GSE1: variants seen among roughly 807,000 people sequenced by gnomAD.
GSE1 encodes the protein Gse1 coiled-coil protein, also known as genetic suppressor element 1.
GSE1 carries 32 observed loss-of-function variants against 112.6 expected under a neutral mutation model. The ratio of observed to expected loss-of-function variants is 0.28; its 90% confidence interval spans 0.21 to 0.38. The LOEUF (loss-of-function observed/expected upper bound fraction) is 0.38. GSE1 is among the 10% of genes least tolerant of loss of function. The pLI is 1.00. For synonymous variants in GSE1, 1,115 were observed against 735.6 expected, an observed-to-expected ratio of 1.52 and a Z score of -8.35; for missense variants, 2,348 against 1,699.2, an observed-to-expected ratio of 1.38 and a Z score of -6.71.
At chr16:85,303,233 G>A (rs2045574391) in intron 1 of GSE1, among the ~76,000 whole-genome samples, 2 of 152,242 alleles carry the variant, frequency 1.3e-5, no homozygotes, top group African/African-American at 4.8e-5. Context: ...GGGACCCACT[G>A]CCCTGCTTGC....
intron 1 of GSE1, among the ~76,000 whole-genome samples, chr16:85,319,349 C>T (rs535668201): frequency 2.6e-5 from 4 of 152,306 alleles, no homozygotes; most frequent in East Asian, 1.9e-4. Flanking sequence ...CGAGTCCCGT[C>T]GTAACCAGGC....
chr16:85,667,900 G>GGTCCA (rs148610400), intron 13 of GSE1, among the ~76,000 whole-genome samples: 53,334 of 151,484 alleles, frequency 0.35, 9,939 homozygotes, highest in East Asian at 0.53. Context: ...CAACAAAAAT[G>GGTCCA]GTCCACGTAC....
chr16:85,376,601 G>A (rs1428520681), intron 2 of GSE1, among the ~76,000 whole-genome samples: 2 of 152,232 alleles, frequency 1.3e-5, no homozygotes, highest in Non-Finnish European at 2.9e-5. Flanking sequence ...CCCTGGCTCT[G>A]TTCTCGAAGT....
intron 1 of GSE1, among the ~76,000 whole-genome samples, chr16:85,320,459 T>TTTTGC (rs1453441160): frequency 6.6e-6 from 1 of 151,770 alleles, no homozygotes; most frequent in Non-Finnish European, 1.5e-5. Flanking sequence ...TTTTGTTTTG[T>TTTTGC]TTTGTTTTGT....
intron 1 of GSE1, among the ~76,000 whole-genome samples, chr16:85,626,506 A>G (rs1042046542): frequency 6.6e-6 from 1 of 152,188 alleles, no homozygotes; most frequent in African/African-American, 2.4e-5. Flanking sequence ...GGTAATGAAA[A>G]ATTACCAAGA....
chr16:85,511,514 G>A (rs1375406962), intron 2 of GSE1, among the ~76,000 whole-genome samples: 1 of 138,224 alleles, frequency 7.2e-6, no homozygotes, highest in Non-Finnish European at 1.5e-5. Context: ...GGCAACAAGA[G>A]CAAAACTCCA....
At chr16:85,226,766 TGTGTGTG>T in intron 1 of GSE1, among the ~76,000 whole-genome samples, 1 of 47,418 alleles carries the variant, frequency 2.1e-5, no homozygotes, top group South Asian at 1.3e-3. Context: ...CTGGTGTGTG[TGTGTGTG>T]TGTGTGTGTG....
chr16:85,532,331 G>A (rs2044164590), intron 2 of GSE1, among the ~76,000 whole-genome samples: 2 of 152,154 alleles, frequency 1.3e-5, no homozygotes, highest in Admixed American at 6.5e-5. Context: ...TACAATCATG[G>A]CTCACTGCAG....
chr16:85,491,757 A>G (rs953809941), intron 2 of GSE1, among the ~76,000 whole-genome samples: 2 of 152,102 alleles, frequency 1.3e-5, no homozygotes, highest in Non-Finnish European at 2.9e-5. Flanking sequence ...TCTCAGCGCC[A>G]CAGTCTGATG....
intron 2 of GSE1, among the ~76,000 whole-genome samples, chr16:85,453,393 G>A (rs2049739789): frequency 1.3e-5 from 2 of 152,302 alleles, no homozygotes; most frequent in South Asian, 4.1e-4. Context: ...GCCAGGCAGT[G>A]ACAGTGCATG....
chr16:85,540,330 C>T (rs2044476709), intron 2 of GSE1, among the ~76,000 whole-genome samples: 1 of 152,210 alleles, frequency 6.6e-6, no homozygotes. Context: ...CCCTGCCTGT[C>T]CTTTCACACA....
intron 2 of GSE1, among the ~76,000 whole-genome samples, chr16:85,518,297 G>T (rs1937960569): frequency 6.6e-6 from 1 of 152,180 alleles, no homozygotes; most frequent in Non-Finnish European, 1.5e-5. Flanking sequence ...TGATGAGTGT[G>T]CCCACCATGG....
Position 85,648,694 on chromosome 16 carries a change from G to T in GSE1, c.369G>T (p.Val123=). ...ACAGCGTGCCCAGCACCCCCCCCGTGGTGACCATCGCTCCAACCAAAACCG... is the reference window on the plus strand; with the variant it reads ...ACAGCGTGCCCAGCACCCCCCCCGTTGTGACCATCGCTCCAACCAAAACCG... The part of the protein sequence containing the change: ...GGHSVPSTPP[V]VTIAPTKTVN... Residue 123 remains valine, a synonymous_variant, in exon 3 of 16, where the codon GTG becomes GTT. Transcript: ENST00000253458. 1 of 1,608,674 alleles carries T rather than the reference G, an allele frequency of 6.2e-7. No individual in the cohort carries two copies. Among genetic ancestry groups the T allele is most frequent in the Non-Finnish European group, 8.5e-7 (1 of 1,177,660 alleles).
chr16:85,443,973 A>C (rs2049444166), intron 2 of GSE1, among the ~76,000 whole-genome samples: 1 of 127,782 alleles, frequency 7.8e-6, no homozygotes, highest in Non-Finnish European at 1.7e-5. Flanking sequence ...TCCGGGAGAC[A>C]AGGGGGCGCT....
intron 1 of GSE1, among the ~76,000 whole-genome samples, chr16:85,256,575 C>T (rs1235668025): frequency 3.3e-5 from 5 of 152,254 alleles, no homozygotes; most frequent in Non-Finnish European, 2.9e-5. Flanking sequence ...AGCACCTGGC[C>T]CGGCCTCCCG....
Position 85,665,616 on chromosome 16 carries a change from C to T in GSE1, c.2759-360C>T, listed in dbSNP as rs80194859. Among the ~76,000 whole-genome samples the T allele has an allele frequency of 2.7e-4, 41 of 152,354 alleles. 1 individual carries two copies. In the East Asian group the frequency reaches 7.7e-3, roughly 29 times the overall value. ...CTCTTACAGTTCTGGCTGGCCTCTG[C>T]CCTGTCAGATGTCAGAGGGAATCTT... On this transcript the variant is annotated intron_variant, in intron 12 of 15. Coordinates refer to ENST00000253458, the MANE Select transcript of GSE1 (RefSeq NM_014615.5).
Position 85,673,485 on chromosome 16 carries a change from A to T in GSE1, c.*946A>T, listed in dbSNP as rs1310374134. On this transcript the variant is annotated 3_prime_UTR_variant, in exon 16 of 16. Coordinates refer to ENST00000253458, the MANE Select transcript of GSE1 (RefSeq NM_014615.5). ...GTTTTGGTTTTTTTTGGGCAAAAAA[A>T]AAAAAAAAACCTTGCTTTTAGTGTT... The T allele has an allele frequency of 3.3e-5, 5 of 152,438 alleles. No individual in the cohort carries two copies. The East Asian group carries it at 9.6e-4, about 29-fold the overall frequency. The allele number at this position is 152,438 out of a possible 1,614,324, so 9.4% of individuals were successfully genotyped here.
chr16:85,655,681 C>T (rs776428673), intron 5 of GSE1, 45 bp from the exon 6 acceptor site: 9 of 1,355,258 alleles, frequency 6.6e-6, no homozygotes, highest in Middle Eastern at 1.9e-4. Context: ...GCTGGGTCTT[C>T]CCCTTGGTTC....
chr16:85,278,579 C>G (rs2044763491), intron 1 of GSE1, among the ~76,000 whole-genome samples: 1 of 152,116 alleles, frequency 6.6e-6, no homozygotes, highest in Non-Finnish European at 1.5e-5. Context: ...TTTCTGTTAG[C>G]CTCATAGTCT....
Sources: allele counts gnomAD v4.1 joint callset (sites outside exome capture counted in the v4.1 genomes callset), GRCh38; gene constraint gnomAD v4.1.1; transcripts MANE v1.5; gene names NCBI Gene and HGNC (gene_info 2026-07-23, HGNC 2026-07-21).